Variants in NCKAP1 observed in about 807,000 individuals in gnomAD.
NCKAP1 encodes NCK associated protein 1, also known as nck-associated protein 1.
A neutral mutation model predicts 151.2 loss-of-function variants in NCKAP1; 21 were observed. That is an observed-to-expected ratio of 0.14 (90% CI 0.10 to 0.20). The LOEUF (loss-of-function observed/expected upper bound fraction) is 0.20, where lower values mean the gene tolerates loss of function less well. Ranked by LOEUF, NCKAP1 falls within the 10% of genes least tolerant of loss-of-function variation. The probability of loss-of-function intolerance (pLI) is 1.00; values close to 1 mark genes in which losing one functional copy is unlikely to be tolerated. For synonymous variants in NCKAP1, 484 were observed against 451.8 expected (o/e 1.07, Z -0.90); for missense variants, 933 against 1,352.1 (o/e 0.69, Z 4.86).
chr2:182,946,507 G>A (rs1697109468), intron 23 of NCKAP1, among the ~76,000 whole-genome samples: 1 of 151,860 alleles, frequency 6.6e-6, no homozygotes. Flanking sequence ...TACTACCTAG[G>A]TGACAAAATA....
chr2:182,962,358 A>G (rs1697472685), intron 17 of NCKAP1, 80 bp from the exon 18 acceptor site: 1 of 1,347,552 alleles, frequency 7.4e-7, no homozygotes, highest in Non-Finnish European at 1.0e-6. Flanking sequence ...ATAGACATGG[A>G]AAATTAGGCT....
chr2:183,020,323 G>A (rs1203177243), intron 2 of NCKAP1, among the ~76,000 whole-genome samples: 1 of 151,930 alleles, frequency 6.6e-6, no homozygotes, highest in African/African-American at 2.4e-5. Context: ...AGTTAGCCAG[G>A]TGTGGTGGTT....
intron 27 of NCKAP1, among the ~76,000 whole-genome samples, chr2:182,929,996 C>T (rs987578794): frequency 5.9e-5 from 9 of 151,940 alleles, no homozygotes; most frequent in Admixed American, 4.6e-4. Context: ...ACAGAATACC[C>T]TTTCCTAGAT....
At chr2:182,960,160 G>C (rs1400687786) in intron 18 of NCKAP1, among the ~76,000 whole-genome samples, 3 of 152,140 alleles carry the variant, frequency 2.0e-5, no homozygotes, top group Admixed American at 6.5e-5. Context: ...CACTGCCCAA[G>C]GTAATTTATA....
Position 182,918,673 on chromosome 2 carries a change from G to A in NCKAP1, c.*7029C>T, listed in dbSNP as rs1230882912. On this transcript the variant is annotated 3_prime_UTR_variant, in exon 31 of 31. Coordinates refer to ENST00000361354, the MANE Select transcript of NCKAP1 (RefSeq NM_013436.5). The stretch of plus-strand genomic sequence containing the variant: ...ATACAGAGTGATATCATGGACTTTG[G>A]AGACTCAGAAGTGGGAGGATGGGAA... 6.6e-6 allele frequency: 1 copy of A among 152,156 alleles called. No homozygotes were observed. The highest frequency in any genetic ancestry group is 1.5e-5 in the Non-Finnish European group (1 of 68,060). The allele number at this position is 152,156 out of a possible 1,614,324, so 9.4% of individuals were successfully genotyped here.
rs530833688 is a variant in NCKAP1, at chr2:182,975,744, A to T, written c.1482+1149T>A. On this transcript the variant is annotated intron_variant, in intron 15 of 30. Coordinates refer to ENST00000361354, the MANE Select transcript of NCKAP1 (RefSeq NM_013436.5). ...AACATAGCAAGATTCAGTCTCTAAA[A>T]TTTTTTTTTAATTAGCTGGGTGTGG... 1.9e-3 allele frequency among the ~76,000 whole-genome samples: 284 copies of T among 151,548 alleles called. 1 individual carries two copies. Among genetic ancestry groups the T allele is most frequent in the African/African-American group, 6.6e-3 (272 of 41,326 alleles).
At chr2:182,998,834 CAA>C (rs1160835228) in intron 6 of NCKAP1, among the ~76,000 whole-genome samples, 2,244 of 44,172 alleles carry the variant, frequency 0.051, 4 homozygotes, top group Non-Finnish European at 0.072. Flanking sequence ...AAGACTCCAA[CAA>C]AAAAAAAAAA....
intron 25 of NCKAP1, among the ~76,000 whole-genome samples, chr2:182,935,089 G>A (rs1455113088): frequency 3.9e-5 from 6 of 152,120 alleles, no homozygotes; most frequent in Middle Eastern, 3.4e-3. Flanking sequence ...CAATAACCAC[G>A]CAAGTTATAC....
chr2:183,008,623 C>T (rs1698527980), intron 2 of NCKAP1, among the ~76,000 whole-genome samples: 1 of 152,198 alleles, frequency 6.6e-6, no homozygotes, highest in African/African-American at 2.4e-5. Context: ...TGCTCTTCAA[C>T]ATTTCTGAGC....
chr2:183,000,074 T>G (rs544960233), intron 6 of NCKAP1, among the ~76,000 whole-genome samples: 2 of 152,236 alleles, frequency 1.3e-5, no homozygotes, highest in South Asian at 4.1e-4. Flanking sequence ...ACAGGATCAT[T>G]AGAAGCCCAA....
chr2:183,038,103 G>C lies in NCKAP1; in HGVS notation c.-4C>G, dbSNP rs1227264243. 7.7e-6 allele frequency: 12 copies of C among 1,552,126 alleles called. No homozygotes were observed. The highest frequency in any genetic ancestry group is 1.0e-5 in the Non-Finnish European group (12 of 1,159,410). ...GCTGCAGCACTGAGCGCGACATGGTGGTGCTGGTGCCGCCGCCGCCGCCGG... is the reference window on the plus strand; with the variant it reads ...GCTGCAGCACTGAGCGCGACATGGTCGTGCTGGTGCCGCCGCCGCCGCCGG... On this transcript the variant is annotated 5_prime_UTR_variant, in exon 1 of 31. Transcript: ENST00000361354.
At chr2:182,943,974 T>C (rs536374543) in intron 23 of NCKAP1, among the ~76,000 whole-genome samples, 16 of 152,196 alleles carry the variant, frequency 1.1e-4, no homozygotes, top group Non-Finnish European at 2.4e-4. Context: ...AAAAATTCTC[T>C]AGAGAACTCC....
chr2:182,948,180 T>C (rs1266047560), intron 23 of NCKAP1, among the ~76,000 whole-genome samples: 5 of 152,106 alleles, frequency 3.3e-5, no homozygotes, highest in African/African-American at 1.2e-4. Flanking sequence ...GATTTAGTAT[T>C]TGAGAAGCAA....
intron 23 of NCKAP1, among the ~76,000 whole-genome samples, chr2:182,942,642 T>C (rs971840150): frequency 1.3e-5 from 2 of 152,056 alleles, no homozygotes; most frequent in Admixed American, 1.3e-4. Flanking sequence ...ATGGGGATTA[T>C]ATAATAGTAA....
chr2:182,977,332 A>T (rs1697844859), intron 14 of NCKAP1, among the ~76,000 whole-genome samples: 1 of 152,172 alleles, frequency 6.6e-6, no homozygotes, highest in East Asian at 1.9e-4. Context: ...TCTACTAAAA[A>T]TACAAAAATT....
intron 19 of NCKAP1, 103 bp from the exon 20 acceptor site, chr2:182,956,696 G>A (rs1270741999): frequency 1.6e-6 from 2 of 1,227,068 alleles, no homozygotes; most frequent in East Asian, 2.6e-5. Flanking sequence ...AATGCTTAGA[G>A]AATTCGACTT....
rs1454418513 is a variant in NCKAP1, at chr2:182,922,539, TTC to T, written c.*3161_*3162del. On this transcript the variant is annotated 3_prime_UTR_variant, in exon 31 of 31. Transcript: ENST00000361354. ...CAAACATGCCAAGTTTGTGCTTGCC[TTC>T]TGGGTCTTTGCCTTTATTATTCCTC... The T allele has an allele frequency of 1.3e-5, 2 of 152,294 alleles. No homozygotes were observed. Among genetic ancestry groups the T allele is most frequent in the Non-Finnish European group, 2.9e-5 (2 of 68,118 alleles). 9.4% of individuals were successfully genotyped at this position (152,294 alleles called of 1,614,324 possible).
intron 2 of NCKAP1, among the ~76,000 whole-genome samples, chr2:183,012,563 G>A (rs1186152681): frequency 6.6e-6 from 1 of 151,490 alleles, no homozygotes; most frequent in African/African-American, 2.4e-5. Context: ...TTTCAACACA[G>A]AGGGACCTCC....
rs775448832 is a variant in NCKAP1, at chr2:183,038,025, G to C, written c.75C>G (p.Val25=). ...TGTTGTAGAGGCGGGTGAGCATGCC[G>C]ACGCCCCGGTCGTTGAGGATGGTGA... ...EKLTILNDRG[V]GMLTRLYNIK... Residue 25 remains valine, a synonymous_variant, in exon 1 of 31, where the codon GTC becomes GTG. Transcript: ENST00000361354. The C allele has an allele frequency of 1.9e-6, 3 of 1,582,252 alleles. No homozygotes were observed. The Admixed American group carries it at 5.2e-5, about 27-fold the overall frequency.
Sources: allele counts gnomAD v4.1 joint callset (sites outside exome capture counted in the v4.1 genomes callset), GRCh38; gene constraint gnomAD v4.1.1; transcripts MANE v1.5; gene names NCBI Gene and HGNC (gene_info 2026-07-23, HGNC 2026-07-21).